The following RIMS2 variants were observed in gnomAD, a reference collection of about 807,000 sequenced individuals.
The protein encoded by RIMS2 is regulating synaptic membrane exocytosis protein 2.
RIMS2 carries 59 observed loss-of-function variants against 174.4 expected under a neutral mutation model. That is an observed-to-expected ratio of 0.34 (90% CI 0.27 to 0.42). RIMS2 has a LOEUF of 0.42. Ranked by LOEUF, RIMS2 falls within the 10% of genes least tolerant of loss-of-function variation. The pLI is 1.00. For synonymous variants in RIMS2, 606 were observed against 572.5 expected (o/e 1.06, Z -0.84); for missense variants, 1,620 against 1,666.3 (o/e 0.97, Z 0.48).
At chr8:104,206,748 C>G (rs913714230) in intron 19 of RIMS2, among the ~76,000 whole-genome samples, 1 of 152,228 alleles carries the variant, frequency 6.6e-6, no homozygotes, top group African/African-American at 2.4e-5. Flanking sequence ...CCATTAACCA[C>G]TGTGTCATAA....
intron 19 of RIMS2, among the ~76,000 whole-genome samples, chr8:104,134,644 T>C (rs778145587): frequency 3.3e-5 from 5 of 152,342 alleles, no homozygotes; most frequent in African/African-American, 4.8e-5. Flanking sequence ...CTATTAATTG[T>C]TGATCCTCTT....
chr8:103,748,146 A>C lies in RIMS2; in HGVS notation c.388-18081A>C, dbSNP rs921952271. On this transcript the variant is annotated intron_variant, in intron 2 of 23. Transcript: ENST00000504942. ...AAAGAGTTTTGTTCATTAACCTTAA[A>C]GTTTTCAAGAATTAGCGGGGTGTGG... is the stretch of plus-strand genomic sequence containing the variant. Among the ~76,000 whole-genome samples the C allele has an allele frequency of 2.6e-5, 4 of 152,214 alleles. No homozygotes were observed. The South Asian group carries it at 8.3e-4, about 32-fold the overall frequency.
At chr8:103,676,853 G>A (rs1042966453) in intron 1 of RIMS2, among the ~76,000 whole-genome samples, 10 of 152,116 alleles carry the variant, frequency 6.6e-5, no homozygotes, top group Admixed American at 3.3e-4. Flanking sequence ...GCATGGTGGC[G>A]CATGCCTGTA....
intron 19 of RIMS2, among the ~76,000 whole-genome samples, chr8:104,027,791 T>C (rs1439367086): frequency 6.6e-6 from 1 of 152,190 alleles, no homozygotes; most frequent in Non-Finnish European, 1.5e-5. Context: ...CTTATCCTTA[T>C]CTGTCAGTTC....
At chr8:103,917,712 A>G (rs557927443) in intron 8 of RIMS2, among the ~76,000 whole-genome samples, 8 of 152,260 alleles carry the variant, frequency 5.3e-5, no homozygotes, top group East Asian at 1.9e-4. Flanking sequence ...CTTTTTCTCA[A>G]TGATGTTACT....
At chr8:104,005,378 G>C (rs1478572194) in intron 17 of RIMS2, among the ~76,000 whole-genome samples, 3 of 152,156 alleles carry the variant, frequency 2.0e-5, no homozygotes, top group Non-Finnish European at 4.4e-5. Flanking sequence ...AAATGTGAAA[G>C]AATAAGTAGC....
intron 1 of RIMS2, among the ~76,000 whole-genome samples, chr8:103,663,528 A>C (rs35732252): frequency 0.18 from 26,894 of 152,120 alleles, 2,580 homozygotes; most frequent in African/African-American, 0.24. Flanking sequence ...ATCTCCCATT[A>C]ACAATTACTA....
At position 103,989,369 on chromosome 8, in the gene RIMS2, C is replaced by G. The variant is rs201715496; in HGVS notation, c.2992C>G (p.Arg998Gly). The G allele has an allele frequency of 1.6e-4, 256 of 1,613,254 alleles. No homozygotes were observed. The highest frequency in any genetic ancestry group is 2.9e-4 in the East Asian group (13 of 44,864). ...GACCGGACATTATAATACAATTAGC[C>G]GAATGGACAGACATCGTGTCATGGA... is the stretch of plus-strand genomic sequence containing the variant. The change falls in exon 17 of 24, where the codon CGA becomes GGA. Residue 998 changes from arginine to glycine, a missense_variant. This residue lies in a region of RIMS2 where 1,395 missense variants were observed against 1,360.1 expected (regional missense o/e 1.03). Transcript: ENST00000504942.
At chr8:104,231,515 C>T (rs1447392621) in intron 19 of RIMS2, among the ~76,000 whole-genome samples, 1 of 152,154 alleles carries the variant, frequency 6.6e-6, no homozygotes, top group African/African-American at 2.4e-5. Context: ...CAAAGCTGGG[C>T]TCATATTCCA....
chr8:103,831,352 G>T (rs1415460288), intron 3 of RIMS2, among the ~76,000 whole-genome samples: 4 of 152,130 alleles, frequency 2.6e-5, no homozygotes, highest in Admixed American at 2.0e-4. Flanking sequence ...CTGAAAGAGG[G>T]CTTTTCTTTT....
At chr8:103,981,778 A>T (rs1376928116) in intron 16 of RIMS2, among the ~76,000 whole-genome samples, 2 of 152,078 alleles carry the variant, frequency 1.3e-5, no homozygotes, top group Non-Finnish European at 2.9e-5. Flanking sequence ...TCAGAGCAGA[A>T]TAGATCAAGC....
chr8:104,073,665 A>G (rs1004702453), intron 19 of RIMS2, among the ~76,000 whole-genome samples: 1 of 152,190 alleles, frequency 6.6e-6, no homozygotes, highest in African/African-American at 2.4e-5. Context: ...CCCATAATAT[A>G]ATAGATTGGG....
intron 2 of RIMS2, among the ~76,000 whole-genome samples, chr8:103,753,774 A>G (rs2097928731): frequency 6.6e-6 from 1 of 152,054 alleles, no homozygotes; most frequent in Non-Finnish European, 1.5e-5. Context: ...TGGTGGTGAT[A>G]TCCCCTTTCT....
intron 19 of RIMS2, among the ~76,000 whole-genome samples, chr8:104,223,956 GAGA>G (rs1342462444): frequency 6.6e-6 from 1 of 152,240 alleles, no homozygotes; most frequent in African/African-American, 2.4e-5. Context: ...CAGCTGAGCA[GAGA>G]AGTTGTTTCT....
intron 3 of RIMS2, among the ~76,000 whole-genome samples, chr8:103,794,855 C>T (rs991018724): frequency 6.6e-6 from 1 of 152,190 alleles, no homozygotes; most frequent in African/African-American, 2.4e-5. Context: ...CACTGGCCAT[C>T]AGAGAAATGC....
chr8:104,039,341 T>A (rs1217747117), intron 19 of RIMS2, among the ~76,000 whole-genome samples: 1 of 151,728 alleles, frequency 6.6e-6, no homozygotes, highest in Non-Finnish European at 1.5e-5. Context: ...CAACTGAACT[T>A]GTTTTGTATC....
At chr8:103,689,521 C>T (rs1402346275) in intron 1 of RIMS2, among the ~76,000 whole-genome samples, 1 of 152,180 alleles carries the variant, frequency 6.6e-6, no homozygotes, top group South Asian at 2.1e-4. Context: ...TATTTACTTT[C>T]AATATCTGGG....
chr8:103,683,228 G>T (rs562138069), intron 1 of RIMS2, among the ~76,000 whole-genome samples: 1 of 152,290 alleles, frequency 6.6e-6, no homozygotes, highest in African/African-American at 2.4e-5. Context: ...ACTGGCATCC[G>T]CTTGGCTTCT....
intron 19 of RIMS2, among the ~76,000 whole-genome samples, chr8:104,177,701 G>C (rs1188276965): frequency 6.6e-6 from 1 of 152,062 alleles, no homozygotes; most frequent in Non-Finnish European, 1.5e-5. Context: ...GTAATTCACT[G>C]CTAACTACAT....
Sources: allele counts gnomAD v4.1 joint callset (sites outside exome capture counted in the v4.1 genomes callset), GRCh38; gene constraint gnomAD v4.1.1; regional missense constraint gnomAD v4.1.1; transcripts MANE v1.5; gene names NCBI Gene and HGNC (gene_info 2026-07-23, HGNC 2026-07-21).